The following TRMU variants were observed in gnomAD, a reference collection of about 807,000 sequenced individuals.
TRMU encodes the protein tRNA mitochondrial 2-thiouridylase, also known as mitochondrial tRNA-specific 2-thiouridylase 1.
A neutral mutation model predicts 46.9 loss-of-function variants in TRMU; 49 were observed. That is an observed-to-expected ratio of 1.05 (90% CI 0.83 to 1.33). The LOEUF is 1.33. TRMU is among the 40% of genes most tolerant of loss of function. The probability of loss-of-function intolerance (pLI) is 0.00; values close to 1 mark genes in which losing one functional copy is unlikely to be tolerated. For missense variants in TRMU, 572 were observed against 532.4 expected, an observed-to-expected ratio of 1.07 and a Z score of -0.73; for synonymous variants, 241 against 200.9, an observed-to-expected ratio of 1.20 and a Z score of -1.69.
rs994948883 is a variant in TRMU at position 46,349,375 on chromosome 22, C to T, written c.479-916C>T. Among the ~76,000 whole-genome samples the T allele has an allele frequency of 8.5e-5, 13 of 152,100 alleles. No individual in the cohort carries two copies. The highest frequency in any genetic ancestry group is 7.9e-4 in the Admixed American group (12 of 15,284). On this transcript the variant is annotated intron_variant, in intron 4 of 10. Coordinates refer to ENST00000645190, the MANE Select transcript of TRMU (RefSeq NM_018006.5). This position sits in a 1 kb window ranked among gnomAD's most constrained non-coding sequence, Gnocchi z 4.6. ...CCCTCTGTAACGTGGGGAGAATTCTCCCTCTCACGGCTAACGTGGGAATCG... is the reference window on the plus strand; with the variant it reads ...CCCTCTGTAACGTGGGGAGAATTCTTCCTCTCACGGCTAACGTGGGAATCG...
rs1026836992 is a variant in TRMU at position 46,342,866 on chromosome 22, G to C, written c.249-396G>C. Among the ~76,000 whole-genome samples, 2 of 152,274 alleles carry C rather than the reference G, an allele frequency of 1.3e-5. No homozygotes were observed. The highest frequency in any genetic ancestry group is 2.9e-5 in the Non-Finnish European group (2 of 68,052). On this transcript the variant is annotated intron_variant, in intron 2 of 10. Transcript: ENST00000645190. This position sits in a 1 kb window ranked among gnomAD's most constrained non-coding sequence, Gnocchi z 4.7. ...ACAGCTATTCGGAAGGCTGAGGTGG[G>C]AGAATCTGCAAGGGAAGTCTAAAGG...
chr22:46,345,217 C>CCA (rs893563415), intron 3 of TRMU, among the ~76,000 whole-genome samples: 7 of 152,076 alleles, frequency 4.6e-5, no homozygotes, highest in African/African-American at 1.7e-4. Flanking sequence ...ATTACAGGTG[C>CCA]CCACCAACAT....
At position 46,350,321 on chromosome 22, in the gene TRMU, T is replaced by C. The variant is rs750705774; in HGVS notation, c.509T>C (p.Phe170Ser). The change falls in exon 5 of 11, where the codon TTT (phenylalanine) becomes TCT (serine). Residue 170 changes from phenylalanine to serine, a missense_variant. By Grantham distance (155) the Phe-to-Ser change is radical (BLOSUM62 -2). Transcript: ENST00000645190. The surrounding 1 kb of genome is among the most constrained non-coding windows in gnomAD (Gnocchi z 4.6). ...AVKLLQAADS[F>S]KDQTFFLSQV... ...AAACTCCTCCAGGCAGCTGACAGCTTTAAAGACCAGACCTTCTTTCTCAGC... is the reference window on the plus strand; with the variant it reads ...AAACTCCTCCAGGCAGCTGACAGCTCTAAAGACCAGACCTTCTTTCTCAGC... 5 of 1,614,240 alleles carry C rather than the reference T, an allele frequency of 3.1e-6. No individual in the cohort carries two copies. The highest frequency in any genetic ancestry group is 4.2e-6 in the Non-Finnish European group (5 of 1,180,042).
intron 8 of TRMU, chr22:46,355,185 C>A: frequency 1.7e-6 from 1 of 587,558 alleles, no homozygotes; most frequent in Non-Finnish European, 3.0e-6. Flanking sequence ...GTCATGGGCT[C>A]GGATCTCACC....
At chr22:46,356,521 C>T (rs1304869489) in intron 10 of TRMU, 9 of 449,208 alleles carry the variant, frequency 2.0e-5, no homozygotes, top group Non-Finnish European at 3.7e-5. Flanking sequence ...CTCTGGCTGC[C>T]ACCATGCTCC....
chr22:46,339,551 A>G lies in TRMU; in HGVS notation c.248+1607A>G, dbSNP rs1236044035. Among the ~76,000 whole-genome samples, 1 of 152,224 alleles carries G rather than the reference A, an allele frequency of 6.6e-6. No homozygotes were observed. Among genetic ancestry groups the G allele is most frequent in the Non-Finnish European group, 1.5e-5 (1 of 68,038 alleles). On this transcript the variant is annotated intron_variant, in intron 2 of 10. Transcript: ENST00000645190. This position sits in a 1 kb window ranked among gnomAD's most constrained non-coding sequence, Gnocchi z 4.8. ...TAATGGACTCTGGGGTGAGGGATAAAAGACTACACATCGGGTACAATGTCC... is the reference window on the plus strand; with the variant it reads ...TAATGGACTCTGGGGTGAGGGATAAGAGACTACACATCGGGTACAATGTCC...
rs1285770196 is a variant in TRMU at position 46,349,979 on chromosome 22, T to G, written c.479-312T>G. 6.8e-6 allele frequency among the ~76,000 whole-genome samples: 1 copy of G among 147,098 alleles called. No individual in the cohort carries two copies. Among genetic ancestry groups the G allele is most frequent in the Non-Finnish European group, 1.5e-5 (1 of 67,814 alleles). On this transcript the variant is annotated intron_variant, in intron 4 of 10. Coordinates refer to ENST00000645190, the MANE Select transcript of TRMU (RefSeq NM_018006.5). This position sits in a 1 kb window ranked among gnomAD's most constrained non-coding sequence, Gnocchi z 4.6. ...AAGATTTGGCTGAATTTATTTTAGG[T>G]GTTTTTTTTTTTTTTTCTTATCACT... is the stretch of plus-strand genomic sequence containing the variant.
At position 46,348,987 on chromosome 22, in the gene TRMU, AAGTT is replaced by A. The variant is rs954881569; in HGVS notation, c.479-1301_479-1298del. The stretch of plus-strand genomic sequence containing the variant: ...ATCTCTACTACAAATACAAAAAAAA[AAGTT>A]AGCCGAGTATGGTGGCACATGCCTG... On this transcript the variant is annotated intron_variant, in intron 4 of 10. Coordinates refer to ENST00000645190, the MANE Select transcript of TRMU (RefSeq NM_018006.5). This position sits in a 1 kb window ranked among gnomAD's most constrained non-coding sequence, Gnocchi z 4.8. Among the ~76,000 whole-genome samples, 5 of 152,058 alleles carry A rather than the reference AAGTT, an allele frequency of 3.3e-5. No homozygotes were observed. Among genetic ancestry groups the A allele is most frequent in the African/African-American group, 1.2e-4 (5 of 41,408 alleles).
At chr22:46,345,111 C>G (rs1569069641) in intron 3 of TRMU, among the ~76,000 whole-genome samples, 1 of 152,308 alleles carries the variant, frequency 6.6e-6, no homozygotes, top group Admixed American at 6.5e-5. Flanking sequence ...CACTCTGTCT[C>G]CCAGGCTGGA....
rs913050038 is a variant in TRMU at position 46,356,097 on chromosome 22, CG to C, written c.1101+29del. On this transcript the variant is annotated intron_variant, in intron 10 of 10. Transcript: ENST00000645190. ...GGTGCGTGGGGTGTGGGGGTGAGCC[CG>C]GGGAGGACTGTACTGCTCTGCACCC... The C allele has an allele frequency of 6.8e-6, 11 of 1,613,038 alleles. No homozygotes were observed. In the African/African-American group the frequency reaches 1.3e-4, roughly 20 times the overall value.
chr22:46,353,689 C>T (rs1601984447), intron 7 of TRMU, 78 bp from the exon 8 acceptor site: 2 of 1,362,016 alleles, frequency 1.5e-6, no homozygotes, highest in South Asian at 1.2e-5. Flanking sequence ...GCCCTCCCAG[C>T]ATCTGCCTTC....
chr22:46,343,498 A>T, intron 3 of TRMU, 130 bp downstream of exon 3: 1 of 718,856 alleles, frequency 1.4e-6, no homozygotes, highest in Non-Finnish European at 2.4e-6. Flanking sequence ...AGATTCTCCC[A>T]CCCCAGGCTC....
rs763472303 is a variant in TRMU, at chr22:46,348,342, C to T, written c.478+1798C>T. Among the ~76,000 whole-genome samples, 2 of 152,202 alleles carry T rather than the reference C, an allele frequency of 1.3e-5. No homozygotes were observed. The highest frequency in any genetic ancestry group is 2.9e-5 in the Non-Finnish European group (2 of 68,026). On this transcript the variant is annotated intron_variant, in intron 4 of 10. Coordinates refer to ENST00000645190, the MANE Select transcript of TRMU (RefSeq NM_018006.5). The surrounding 1 kb of genome is among the most constrained non-coding windows in gnomAD (Gnocchi z 4.8). ...CAGTACTGATGCGTTCTGTTGAGTG[C>T]GTTTGGCATGTGGGAATTGTGATGG...
At chr22:46,346,912 A>G (rs1446864793) in intron 4 of TRMU, among the ~76,000 whole-genome samples, 1 of 152,260 alleles carries the variant, frequency 6.6e-6, no homozygotes, top group Admixed American at 6.5e-5. Flanking sequence ...CTTAGCAACA[A>G]GTTCTCAAGG....
chr22:46,345,924 C>T (rs898568292), intron 3 of TRMU, among the ~76,000 whole-genome samples: 20 of 152,000 alleles, frequency 1.3e-4, no homozygotes, highest in Admixed American at 5.9e-4. Context: ...TGCCCCACCA[C>T]GCCTGGCTAA....
At chr22:46,344,069 T>G (rs2078190894) in intron 3 of TRMU, among the ~76,000 whole-genome samples, 1 of 152,240 alleles carries the variant, frequency 6.6e-6, no homozygotes, top group East Asian at 1.9e-4. Flanking sequence ...ATTTCAACAT[T>G]GGGCTAACAC....
chr22:46,336,071 T>A lies in TRMU; in HGVS notation c.82+225T>A. 3 of 1,383,344 alleles carry A rather than the reference T, an allele frequency of 2.2e-6. No homozygotes were observed. The South Asian group carries it at 4.7e-5, about 22-fold the overall frequency. The allele number at this position is 1,383,344 out of a possible 1,614,324, so 85.7% of individuals were successfully genotyped here. ...GCAGCTCCGACTACCTGGGAGCAGTTCCGCGCCCCTCTCCACCCACGCGCG... is the reference window on the plus strand; with the variant it reads ...GCAGCTCCGACTACCTGGGAGCAGTACCGCGCCCCTCTCCACCCACGCGCG... On this transcript the variant is annotated intron_variant, in intron 1 of 10. Coordinates refer to ENST00000645190, the MANE Select transcript of TRMU (RefSeq NM_018006.5). The surrounding 1 kb of genome is among the most constrained non-coding windows in gnomAD (Gnocchi z 4.1).
At position 46,348,643 on chromosome 22, in the gene TRMU, T is replaced by C. The variant is rs1601963485; in HGVS notation, c.479-1648T>C. The stretch of plus-strand genomic sequence containing the variant: ...TGAGGCTCCAGCACAGGCAGCCTCC[T>C]CCAAATGTTGTTCATTCCTTTCTGT... On this transcript the variant is annotated intron_variant, in intron 4 of 10. Coordinates refer to ENST00000645190, the MANE Select transcript of TRMU (RefSeq NM_018006.5). The surrounding 1 kb of genome is among the most constrained non-coding windows in gnomAD (Gnocchi z 4.8). 1.3e-5 allele frequency among the ~76,000 whole-genome samples: 2 copies of C among 152,338 alleles called. 1 individual carries two copies. The highest frequency in any genetic ancestry group is 2.9e-5 in the Non-Finnish European group (2 of 68,024).
intron 8 of TRMU, 137 bp from the exon 9 acceptor site, chr22:46,355,307 G>T: frequency 7.4e-7 from 1 of 1,347,512 alleles, no homozygotes; most frequent in South Asian, 1.3e-5. Flanking sequence ...TCTGTGGGTA[G>T]AACACTTCGA....
Sources: gnomAD v4.1 joint callset for allele counts (sites outside exome capture counted in the v4.1 genomes callset) on GRCh38, gnomAD v4.1.1 for gene constraint, Gnocchi (gnomAD v3.1) non-coding constraint, MANE v1.5 for transcripts, NCBI Gene and HGNC (gene_info 2026-07-23, HGNC 2026-07-21) for gene names.